Variants in FBN3 observed in about 807,000 individuals in gnomAD.
FBN3 encodes the protein fibrillin 3.
FBN3 carries 234 observed loss-of-function variants against 330.1 expected under a neutral mutation model. The observed-to-expected ratio is 0.71, with a 90% CI of 0.64 to 0.79. The LOEUF (loss-of-function observed/expected upper bound fraction) is 0.79. Among genes scored for constraint, FBN3 ranks in the 30% least tolerant of loss-of-function variants. The pLI is 0.00. For missense variants in FBN3, 3,606 were observed against 3,886.9 expected (o/e 0.93, Z 1.92); for synonymous variants, 1,458 against 1,517.3 (o/e 0.96, Z 0.91).
intron 50 of FBN3, 39 bp from the exon 51 acceptor site, chr19:8,089,709 C>A (rs750100174): frequency 1.2e-6 from 2 of 1,609,878 alleles, no homozygotes; most frequent in African/African-American, 2.7e-5. Flanking sequence ...CTTCTGTCAC[C>A]ACACAATCGC....
rs147702165 is a variant in FBN3 at position 8,103,956 on chromosome 19, C to G, written c.4814-269G>C. ...TTCGAGACCAGTCTGGGCAACATAG[C>G]AAGACCCCATCTCTACTAAAAATTT... On this transcript the variant is annotated intron_variant, in intron 38 of 63. Coordinates refer to ENST00000600128, the MANE Select transcript of FBN3 (RefSeq NM_032447.5). 1.9e-3 allele frequency among the ~76,000 whole-genome samples: 290 copies of G among 150,816 alleles called. 4 individuals carry two copies. The highest frequency in any genetic ancestry group is 7.0e-3 in the African/African-American group (287 of 41,074).
At position 8,111,112 on chromosome 19, in the gene FBN3, G is replaced by A. The variant is rs773062974; in HGVS notation, c.4156C>T (p.Arg1386Cys). The A allele has an allele frequency of 2.5e-5, 41 of 1,613,592 alleles. 1 individual carries two copies. The highest frequency in any genetic ancestry group is 2.5e-4 in the South Asian group (23 of 91,026). ...GQCLNAPGGY[R>C]CECEMGFDPT... ...TCAAAGCCCATCTCACATTCACAGC[G>A]GTACCCGCCGGGCGCATTGAGGCAC... The change falls in exon 33 of 64, where the codon CGC becomes TGC. Residue 1386 changes from arginine (R) to cysteine (C), a missense_variant. By Grantham distance (180) the Arg-to-Cys change is radical (BLOSUM62 -3). Transcript: ENST00000600128.
At chr19:8,142,227 A>G in intron 6 of FBN3, 90 bp from the exon 7 acceptor site, 7 of 1,003,320 alleles carry the variant, frequency 7.0e-6, no homozygotes, top group Non-Finnish European at 1.0e-5. Flanking sequence ...CGGCCCCTGC[A>G]CCCACAGACC....
rs977684345 is a variant in FBN3 at position 8,097,274 on chromosome 19, A to G, written c.5287+15T>C. On this transcript the variant is annotated intron_variant, in intron 42 of 63. Coordinates refer to ENST00000600128, the MANE Select transcript of FBN3 (RefSeq NM_032447.5). ...CCACCCAGGCCCCAGGGCTGGGAAC[A>G]GGGAGAGGTGGCACCTTCACAAGCC... The G allele has an allele frequency of 3.8e-6, 6 of 1,599,126 alleles. No individual in the cohort carries two copies. In the African/African-American group the frequency reaches 8.1e-5, roughly 22 times the overall value.
Position 8,065,919 on chromosome 19 carries a change from C to T in FBN3, c.8430G>A (p.Ter2810=), listed in dbSNP as rs1348981455. The change falls in exon 64 of 64, where the codon TAG becomes TAA. Residue 2810 remains the stop codon, a stop_retained_variant. Coordinates refer to ENST00000600128, the MANE Select transcript of FBN3 (RefSeq NM_032447.5). ...LRLKVQLQLL[*] ...TGGGGCCCACTGAGGCTCCTCCCAA[C>T]TAAAGCAACTGCAGCTGCACCTTCA... is the stretch of plus-strand genomic sequence containing the variant. The T allele has an allele frequency of 6.4e-7, 1 of 1,567,132 alleles. No individual in the cohort carries two copies. The highest frequency in any genetic ancestry group is 1.2e-5 in the South Asian group (1 of 84,820).
chr19:8,123,739 C>T (rs773027990), intron 23 of FBN3, 45 bp downstream of exon 23: 1 of 1,602,956 alleles, frequency 6.2e-7, no homozygotes. Context: ...CTATGCCGTG[C>T]CCCTCCCCAT....
intron 8 of FBN3, among the ~76,000 whole-genome samples, chr19:8,141,327 C>T (rs2083408704): frequency 6.8e-6 from 1 of 148,106 alleles, no homozygotes; most frequent in African/African-American, 2.5e-5. Context: ...GATCACACCA[C>T]TGCACTCCAG....
chr19:8,117,269 C>G lies in FBN3; in HGVS notation c.3486G>C (p.Gln1162His). 1.1e-5 allele frequency: 17 copies of G among 1,607,598 alleles called. No individual in the cohort carries two copies. The highest frequency in any genetic ancestry group is 1.4e-5 in the Non-Finnish European group (17 of 1,176,584). ...GCVDINECRV[Q>H]NGGCDVHCIN... ...TACAGTGCACGTCACACCCACCATT[C>G]TGGACCCGGCATTCGTTGATGTCTG... Residue 1162 changes from glutamine to histidine, a missense_variant, in exon 28 of 64, where the codon CAG (glutamine) becomes CAC (histidine). Physicochemically the swap from Gln to His is conservative, Grantham distance 24 (BLOSUM62 0). Transcript: ENST00000600128.
intron 51 of FBN3, among the ~76,000 whole-genome samples, chr19:8,089,246 T>C (rs1263223186): frequency 2.6e-5 from 4 of 152,098 alleles, no homozygotes; most frequent in Non-Finnish European, 5.9e-5. Flanking sequence ...AGTGAGTGAA[T>C]GAGTGAATGA....
Position 8,096,951 on chromosome 19 carries a change from G to A in FBN3, c.5343C>T (p.Ile1781=), listed in dbSNP as rs144017976. ...TGCAGCGGTAGCTACCGGGGATGTT[G>A]ATGCAGTCAGCATTCTGCTGGCAGG... ...ESPCQQNADC[I]NIPGSYRCKC... The change falls in exon 43 of 64, where the codon ATC becomes ATT. Residue 1781 remains isoleucine, a synonymous_variant. Transcript: ENST00000600128. The surrounding 1 kb of genome is among the most constrained non-coding windows in gnomAD (Gnocchi z 4.6). 1.2e-6 allele frequency: 2 copies of A among 1,613,800 alleles called. No individual in the cohort carries two copies. The highest frequency in any genetic ancestry group is 1.7e-6 in the Non-Finnish European group (2 of 1,179,992).
intron 13 of FBN3, 25 bp downstream of exon 13, chr19:8,135,936 G>GGGGGGGGGCCCCCCCC: frequency 3.0e-6 from 2 of 668,768 alleles, no homozygotes; most frequent in Non-Finnish European, 4.8e-6. Flanking sequence ...GGAAGCCCCT[G>GGGGGGGGGCCCCCCCC]CCCACCCGCC....
In FBN3 at chr19:8,075,118, C is replaced by G; in HGVS notation, c.7655G>C (p.Ser2552Thr). The G allele has an allele frequency of 6.3e-7, 1 of 1,590,942 alleles. No homozygotes were observed. The highest frequency in any genetic ancestry group is 8.6e-7 in the Non-Finnish European group (1 of 1,168,614). Residue 2552 changes from serine (S) to threonine (T), a missense_variant, in exon 61 of 64, where the codon AGC becomes ACC. Ser to Thr is a moderately conservative substitution (Grantham distance 58). Transcript: ENST00000600128. ...GTGCTGGGTGAAACCCTGGGGGCAG[C>G]TGCAGCGGTAGCCCCCTAGCTGGTT... ...CQNQLGGYRC[S>T]CPQGFTQHSQ... is the part of the protein sequence containing the mutation.
At position 8,100,970 on chromosome 19, in the gene FBN3, C is replaced by T; in HGVS notation, c.5092G>A (p.Asp1698Asn). Reference sequence around the variant, plus strand: ...TGATTTCCACACAGGATCTGGTAGTCAGCTGCGCAAAGGGGAACAAAGCTG... The same window carrying T: ...TGATTTCCACACAGGATCTGGTAGTTAGCTGCGCAAAGGGGAACAAAGCTG... ...CEACPTPISP[D>N]YQILCGNQAP... The change falls in exon 41 of 64, where the codon GAC (aspartate) becomes AAC (asparagine). Residue 1698 changes from aspartate (D) to asparagine (N), a missense_variant and splice_region_variant. Transcript: ENST00000600128. 1 of 1,613,584 alleles carries T rather than the reference C, an allele frequency of 6.2e-7. No individual in the cohort carries two copies. The highest frequency in any genetic ancestry group is 8.5e-7 in the Non-Finnish European group (1 of 1,179,768).
Position 8,089,536 on chromosome 19 carries a change from G to A in FBN3, c.6376+9C>T. Reference sequence around the variant, plus strand: ...CTGGGACAGAGCTGGGGAAGGGCTGGCCACTCACCCACACAGTTGATGCCA... The same window carrying A: ...CTGGGACAGAGCTGGGGAAGGGCTGACCACTCACCCACACAGTTGATGCCA... On this transcript the variant is annotated intron_variant, in intron 51 of 63. Coordinates refer to ENST00000600128, the MANE Select transcript of FBN3 (RefSeq NM_032447.5). 5 of 1,613,948 alleles carry A rather than the reference G, an allele frequency of 3.1e-6. No individual in the cohort carries two copies. Among genetic ancestry groups the A allele is most frequent in the Non-Finnish European group, 4.2e-6 (5 of 1,179,932 alleles).
chr19:8,145,466 G>A (rs1357817198), intron 5 of FBN3, among the ~76,000 whole-genome samples: 1 of 151,178 alleles, frequency 6.6e-6, no homozygotes, highest in Non-Finnish European at 1.5e-5. Context: ...GGATCACGAG[G>A]TCAGGAGATC....
intron 30 of FBN3, among the ~76,000 whole-genome samples, chr19:8,114,441 G>T (rs1409629259): frequency 6.6e-6 from 1 of 152,066 alleles, no homozygotes; most frequent in East Asian, 1.9e-4. Flanking sequence ...TAGTGACGGG[G>T]TTTCACCATG....
intron 25 of FBN3, 55 bp from the exon 26 acceptor site, chr19:8,119,077 G>C (rs2082777711): frequency 6.5e-7 from 1 of 1,549,280 alleles, no homozygotes; most frequent in Admixed American, 1.7e-5. Flanking sequence ...TGCAGGGAGG[G>C]GGTGATGAGG....
intron 24 of FBN3, among the ~76,000 whole-genome samples, chr19:8,122,042 C>A (rs912406618): frequency 2.6e-5 from 4 of 152,044 alleles, no homozygotes; most frequent in African/African-American, 9.7e-5. Flanking sequence ...AGCCACTGAG[C>A]CTGGCCTGTT....
At chr19:8,135,674 C>T (rs2083262184) in intron 13 of FBN3, among the ~76,000 whole-genome samples, 1 of 152,078 alleles carries the variant, frequency 6.6e-6, no homozygotes, top group African/African-American at 2.4e-5. Flanking sequence ...TCTCCTGCCT[C>T]AGCCCCGCAA....
Sources: gnomAD v4.1 joint callset for allele counts (sites outside exome capture counted in the v4.1 genomes callset) on GRCh38, gnomAD v4.1.1 for gene constraint, Gnocchi (gnomAD v3.1) non-coding constraint, MANE v1.5 for transcripts, NCBI Gene and HGNC (gene_info 2026-07-23, HGNC 2026-07-21) for gene names.